KRT40: variants seen among roughly 807,000 people sequenced by gnomAD.
KRT40 encodes keratin 40.
KRT40 carries 47 observed loss-of-function variants against 43.5 expected under a neutral mutation model. The ratio of observed to expected loss-of-function variants is 1.08; its 90% CI spans 0.86 to 1.38. The LOEUF is 1.38. Among genes scored for constraint, KRT40 ranks in the 40% most tolerant of loss-of-function variants. The probability of loss-of-function intolerance (pLI) is 0.00; values close to 1 mark genes in which losing one functional copy is unlikely to be tolerated. For synonymous variants in KRT40, 212 were observed against 214.0 expected (o/e 0.99, Z 0.08); for missense variants, 573 against 523.6 (o/e 1.09, Z -0.92).
upstream of KRT40, among the ~76,000 whole-genome samples, chr17:40,985,162 G>C (rs1912408012): frequency 6.6e-6 from 1 of 152,092 alleles, no homozygotes; most frequent in Admixed American, 6.6e-5. Flanking sequence ...GAACCCACAG[G>C]AATCTTTTCT....
At position 40,977,940 on chromosome 17, in the gene KRT40, A is replaced by C. The variant is rs918210416; in HGVS notation, c.*257T>G. ...ATCAACAGTAATCAGCCATAGAGCT[A>C]TATTTACCACGCTAAAGGAATAAAA... On this transcript the variant is annotated 3_prime_UTR_variant, in exon 7 of 7. Coordinates refer to ENST00000377755, the MANE Select transcript of KRT40 (RefSeq NM_001389244.1). 2.6e-5 allele frequency: 10 copies of C among 388,532 alleles called. No homozygotes were observed. Among genetic ancestry groups the C allele is most frequent in the Non-Finnish European group, 4.3e-5 (9 of 211,450 alleles). 24.1% of individuals were successfully genotyped at this position (388,532 alleles called of 1,614,324 possible). A position where few individuals can be genotyped will look rare whatever the true frequency, so the allele number is the denominator to read the frequency against.
At chr17:40,978,718 C>T (rs1911938808) in intron 6 of KRT40, 86 bp downstream of exon 6, 2 of 1,233,564 alleles carry the variant, frequency 1.6e-6, no homozygotes, top group African/African-American at 3.0e-5. Context: ...GAGGTCTGAA[C>T]TTGTCCAGAC....
At position 40,980,899 on chromosome 17, in the gene KRT40, C is replaced by T. The variant is rs1912106355; in HGVS notation, c.861G>A (p.Leu287=). Residue 287 remains leucine, a synonymous_variant, in exon 5 of 7, where the codon CTG becomes CTA. Coordinates refer to ENST00000377755, the MANE Select transcript of KRT40 (RefSeq NM_001389244.1). ...EEWLAVQTEE[L]NQQQLSSAEQ... ...CCGCGCTGGACAGTTGCTGCTGATT[C>T]AGCTCTTCTGTCTGAAACACAGACA... 1 of 1,613,922 alleles carries T rather than the reference C, an allele frequency of 6.2e-7. No homozygotes were observed. The highest frequency in any genetic ancestry group is 1.1e-5 in the South Asian group (1 of 91,068).
At position 40,982,401 on chromosome 17, in the gene KRT40, A is replaced by T. The variant is rs753012530; in HGVS notation, c.593T>A (p.Ile198Asn). 18 of 1,611,408 alleles carry T rather than the reference A, an allele frequency of 1.1e-5. No homozygotes were observed. Among genetic ancestry groups the T allele is most frequent in the Non-Finnish European group, 1.7e-6 (2 of 1,178,840 alleles). ...TTTGCACAGGGTCAGTTCCTCCAGG[A>T]TCCCATGCAGGCTGCTGATGTCAGC... ...LEADISSLHG[I>N]LEELTLCKSD... is the part of the protein sequence containing the mutation. Residue 198 changes from isoleucine to asparagine, a missense_variant, in exon 3 of 7, where the codon ATC (isoleucine) becomes AAC (asparagine). By Grantham distance (149) the Ile-to-Asn change is moderately radical. Transcript: ENST00000377755.
upstream of KRT40, chr17:40,986,994 A>G (rs2143698160): frequency 6.6e-6 from 1 of 152,282 alleles, no homozygotes; most frequent in Non-Finnish European, 1.5e-5. Context: ...CTTCGTAGGT[A>G]CTATTTTCTT....
chr17:40,979,243 C>A (rs945749213), intron 5 of KRT40, among the ~76,000 whole-genome samples: 2 of 152,084 alleles, frequency 1.3e-5, no homozygotes, highest in African/African-American at 4.8e-5. Context: ...GGGCTGGGCG[C>A]GGTGGCTCAG....
chr17:40,984,068 T>G lies in KRT40; in HGVS notation c.206A>C (p.Asn69Thr). The G allele has an allele frequency of 6.2e-7, 1 of 1,614,068 alleles. No homozygotes were observed. Among genetic ancestry groups the G allele is most frequent in the South Asian group, 1.1e-5 (1 of 91,080 alleles). Reference sequence around the variant, plus strand: ...ACAGTTCCCCACCAAGCAGGGACTATTACAACTCCCAGTAAAGTAGCATGG... The same window carrying G: ...ACAGTTCCCCACCAAGCAGGGACTAGTACAACTCCCAGTAAAGTAGCATGG... ...LLPCYFTGSCNSPCLVGNCAW... is the reference protein window; with the variant it reads ...LLPCYFTGSCTSPCLVGNCAW... The change falls in exon 1 of 7, where the codon AAT becomes ACT. Residue 69 changes from asparagine to threonine, a missense_variant. By Grantham distance (65) the Asn-to-Thr change is moderately conservative (BLOSUM62 0). Coordinates refer to ENST00000377755, the MANE Select transcript of KRT40 (RefSeq NM_001389244.1).
At position 40,977,926 on chromosome 17, in the gene KRT40, T is replaced by C. The variant is rs1005927653; in HGVS notation, c.*271A>G. Reference sequence around the variant, plus strand: ...AAAATGAATATTCTATCAACAGTAATCAGCCATAGAGCTATATTTACCACG... The same window carrying C: ...AAAATGAATATTCTATCAACAGTAACCAGCCATAGAGCTATATTTACCACG... On this transcript the variant is annotated 3_prime_UTR_variant, in exon 7 of 7. Transcript: ENST00000377755. 3.3e-6 allele frequency: 1 copy of C among 300,640 alleles called. No homozygotes were observed. The highest frequency in any genetic ancestry group is 2.1e-5 in the African/African-American group (1 of 47,436). The allele number at this position is 300,640 out of a possible 1,614,324, so 18.6% of individuals were successfully genotyped here. A position where few individuals can be genotyped will look rare whatever the true frequency, so the allele number is the denominator to read the frequency against.
chr17:40,980,938 C>A, intron 4 of KRT40, 28 bp from the exon 5 acceptor site: 1 of 1,613,924 alleles, frequency 6.2e-7, no homozygotes, highest in Non-Finnish European at 8.5e-7. Flanking sequence ...TTAGAGAATT[C>A]AAAAAAGGCA....
chr17:40,979,529 T>TAAAG lies in KRT40; in HGVS notation c.976-509_976-506dup, dbSNP rs201835956. Among the ~76,000 whole-genome samples, 1,409 of 150,152 alleles carry TAAAG rather than the reference T, an allele frequency of 9.4e-3. 20 individuals carry two copies. Among genetic ancestry groups the TAAAG allele is most frequent in the African/African-American group, 0.033 (1,332 of 40,868 alleles). Reference sequence around the variant, plus strand: ...AAAAAAAAAAAAGAGTTAATGTGCGTAAAGCATTTAGAACAGTGCCAGCCA... The same window carrying TAAAG: ...AAAAAAAAAAAAGAGTTAATGTGCGTAAAGAAAGCATTTAGAACAGTGCCAGCCA... On this transcript the variant is annotated intron_variant, in intron 5 of 6. Coordinates refer to ENST00000377755, the MANE Select transcript of KRT40 (RefSeq NM_001389244.1).
Position 40,979,128 on chromosome 17 carries a change from G to A in KRT40, c.976-104C>T, listed in dbSNP as rs1054418203. On this transcript the variant is annotated intron_variant, in intron 5 of 6. Coordinates refer to ENST00000377755, the MANE Select transcript of KRT40 (RefSeq NM_001389244.1). ...ACCCTTTTCTAGCTATGTGACCACT[G>A]GCAAATTATTTAGCTTCTGTGAGTC... The A allele has an allele frequency of 5.0e-6, 4 of 797,154 alleles. No individual in the cohort carries two copies. In the African/African-American group the frequency reaches 5.2e-5, roughly 10 times the overall value. The allele number at this position is 797,154 out of a possible 1,614,324, so 49.4% of individuals were successfully genotyped here.
In KRT40 at chr17:40,978,830, C is replaced by CCAGT; in HGVS notation, c.1166_1169dup (p.Trp390Ter). 6.2e-7 allele frequency: 1 copy of CCAGT among 1,612,664 alleles called. No homozygotes were observed. Reference sequence around the variant, plus strand: ...TGCTGTCCTCGCTGTCCAGCAGGCCCCAGTACGTGTTGATCTCACCCTCCA... The same window carrying CCAGT: ...TGCTGTCCTCGCTGTCCAGCAGGCCCCAGTCAGTACGTGTTGATCTCACCCTCCA... On this transcript the variant is annotated stop_gained and frameshift_variant, in exon 6 of 7. Coordinates refer to ENST00000377755, the MANE Select transcript of KRT40 (RefSeq NM_001389244.1). LOFTEE classifies it low-confidence loss of function (END_TRUNC).
In KRT40 at chr17:40,980,928, T is replaced by A; in HGVS notation, c.850-18A>T. The A allele has an allele frequency of 6.2e-7, 1 of 1,614,184 alleles. No homozygotes were observed. Among genetic ancestry groups the A allele is most frequent in the Non-Finnish European group, 8.5e-7 (1 of 1,180,042 alleles). On this transcript the variant is annotated intron_variant, in intron 4 of 6. Transcript: ENST00000377755. The stretch of plus-strand genomic sequence containing the variant: ...TCTTCTGTCTGAAACACAGACACCA[T>A]TAGAGAATTCAAAAAAGGCAGAAGT...
intron 2 of KRT40, among the ~76,000 whole-genome samples, 184 bp from the exon 3 acceptor site, chr17:40,982,647 TTG>T (rs370933611): frequency 3.3e-5 from 5 of 150,822 alleles, no homozygotes; most frequent in Non-Finnish European, 7.4e-5. Flanking sequence ...TAGAGAATAT[TTG>T]TGTGTGTGTG....
upstream of KRT40, among the ~76,000 whole-genome samples, chr17:40,985,662 C>T (rs1912438284): frequency 6.6e-6 from 1 of 152,032 alleles, no homozygotes; most frequent in African/African-American, 2.4e-5. Flanking sequence ...TTTATTACTC[C>T]CTGGGCAGAG....
rs147043659 is a variant in KRT40, at chr17:40,981,389, A to G, written c.688-238T>C. On this transcript the variant is annotated intron_variant, in intron 3 of 6. Transcript: ENST00000377755. ...GTTATTGTGAGATCTAGAAGAGTCA[A>G]TCTACACATAATTAACTTATAAAAG... The G allele has an allele frequency of 1.6e-3, 1,188 of 734,714 alleles. 5 individuals are homozygous for G. The African/African-American group carries it at 0.018, about 11-fold the overall frequency. The allele number at this position is 734,714 out of a possible 1,614,324, so 45.5% of individuals were successfully genotyped here.
chr17:40,978,996 T>G lies in KRT40; in HGVS notation c.1004A>C (p.Glu335Ala), dbSNP rs1911966138. ...CTGGGAGCTGTACTGGGCCTCGGTT[T>G]CTGCCACGGTGCATTCCAGAGATTC... ...LTESLECTVAETEAQYSSQLA... is the reference protein window; with the variant it reads ...LTESLECTVAATEAQYSSQLA... Residue 335 changes from glutamate (E) to alanine (A), a missense_variant, in exon 6 of 7, where the codon GAA (glutamate) becomes GCA (alanine). Glu to Ala is a moderately radical substitution (Grantham distance 107). Transcript: ENST00000377755. 1 of 1,613,992 alleles carries G rather than the reference T, an allele frequency of 6.2e-7. No individual in the cohort carries two copies. The highest frequency in any genetic ancestry group is 1.3e-5 in the African/African-American group (1 of 74,928).
In KRT40 at chr17:40,978,311, A is replaced by G. The variant is rs748709053; in HGVS notation, c.1197-15T>C. The G allele has an allele frequency of 6.3e-7, 1 of 1,595,390 alleles. No individual in the cohort carries two copies. Among genetic ancestry groups the G allele is most frequent in the Non-Finnish European group, 8.6e-7 (1 of 1,163,260 alleles). On this transcript the variant is annotated splice_polypyrimidine_tract_variant and intron_variant, in intron 6 of 6. Transcript: ENST00000377755. ...TACAGGAAAGCCTGGGGAAAAATCG[A>G]TTTTCAACCAAGATTAACAAGGGAA...
At chr17:40,984,455 T>C (rs1253340495), upstream of KRT40, 3 of 591,758 alleles carry the variant, frequency 5.1e-6, no homozygotes, top group East Asian at 2.8e-5. Flanking sequence ...GTTTATTTAC[T>C]GAGGAAGAGT....
Sources: gnomAD v4.1 joint callset for allele counts (sites outside exome capture counted in the v4.1 genomes callset) on GRCh38, gnomAD v4.1.1 for gene constraint, MANE v1.5 for transcripts, NCBI Gene and HGNC (gene_info 2026-07-23, HGNC 2026-07-21) for gene names.